CDC42: variants seen among roughly 807,000 people sequenced by gnomAD.
The protein encoded by CDC42 is cell division control protein 42 homolog.
In CDC42, 1 loss-of-function variant was observed where a neutral mutation model predicts 20.8. The ratio of observed to expected loss-of-function variants is 0.05; its 90% CI spans 0.02 to 0.23. CDC42 has a LOEUF of 0.23. Ranked by LOEUF, CDC42 falls within the 10% of genes least tolerant of loss-of-function variation. The probability of loss-of-function intolerance (pLI) is 1.00; values close to 1 mark genes in which losing one functional copy is unlikely to be tolerated. For synonymous variants in CDC42, 72 were observed against 84.8 expected (o/e 0.85, Z 0.83); for missense variants, 49 against 227.9 (o/e 0.21, Z 5.05).
In CDC42 at chr1:22,097,275, G is replaced by A. The variant is rs1285657600; in HGVS notation, c.*5758G>A. ...AAATCTGTATTATTACTTTTTTTTC[G>A]AGACCAGATCTTACTCTGTCGCCCA... is the stretch of plus-strand genomic sequence containing the variant. On this transcript the variant is annotated 3_prime_UTR_variant, in exon 6 of 6. Coordinates refer to ENST00000656825, the MANE Select transcript of CDC42 (RefSeq NM_001791.4). 6.6e-6 allele frequency among the ~76,000 whole-genome samples: 1 copy of A among 151,808 alleles called. No individual in the cohort carries two copies. The highest frequency in any genetic ancestry group is 6.6e-5 in the Admixed American group (1 of 15,264).
rs1045755500 is a variant in CDC42 at position 22,100,858 on chromosome 1, T to A, written c.*9341T>A. 1 of 152,238 alleles carries A rather than the reference T, an allele frequency of 6.6e-6. No individual in the cohort carries two copies. Among genetic ancestry groups the A allele is most frequent in the Non-Finnish European group, 1.5e-5 (1 of 68,036 alleles). The allele number at this position is 152,238 out of a possible 1,614,324, so 9.4% of individuals were successfully genotyped here. ...GGCCCCAGTGCTAGCTTCTTAGCCC[T>A]CCTTTGTAAGGTTTGCACTAGTTTG... On this transcript the variant is annotated 3_prime_UTR_variant, in exon 6 of 6. Transcript: ENST00000656825.
Position 22,091,857 on chromosome 1 carries a change from A to C in CDC42, c.*340A>C, listed in dbSNP as rs890002073. The C allele has an allele frequency of 6.4e-6, 1 of 157,056 alleles. No individual in the cohort carries two copies. The highest frequency in any genetic ancestry group is 1.3e-5 in the Non-Finnish European group (1 of 75,816). The allele number at this position is 157,056 out of a possible 1,614,324, so 9.7% of individuals were successfully genotyped here. On this transcript the variant is annotated 3_prime_UTR_variant, in exon 6 of 6. Transcript: ENST00000656825. ...ATGCTTGTGGATGACTCTGTAACAG[A>C]CTAATTGGAATTGTTGAAGCTGCTC...
intron 1 of CDC42, among the ~76,000 whole-genome samples, chr1:22,075,988 G>GA (rs1347155510): frequency 6.6e-6 from 1 of 152,188 alleles, no homozygotes; most frequent in East Asian, 1.9e-4. Flanking sequence ...TATGCAGGGT[G>GA]AAAAACAGGA....
chr1:22,088,414 C>G (rs1267554794), intron 5 of CDC42, among the ~76,000 whole-genome samples: 4 of 152,088 alleles, frequency 2.6e-5, no homozygotes, highest in African/African-American at 4.8e-5. Context: ...TATAGTAAAT[C>G]CGTTTGTAGA....
At chr1:22,056,091 C>T (rs1216929297) in intron 1 of CDC42, among the ~76,000 whole-genome samples, 1 of 152,210 alleles carries the variant, frequency 6.6e-6, no homozygotes, top group Admixed American at 6.5e-5. Context: ...GAGGGCAGGG[C>T]TTTGGCCTGG....
rs1427680374 is a variant in CDC42 at position 22,092,126 on chromosome 1, C to T, written c.*609C>T. 2 of 152,338 alleles carry T rather than the reference C, an allele frequency of 1.3e-5. No individual in the cohort carries two copies. The highest frequency in any genetic ancestry group is 4.8e-5 in the African/African-American group (2 of 41,352). 9.4% of individuals were successfully genotyped at this position (152,338 alleles called of 1,614,324 possible). ...TCTTAGGAAGGAGTATAGTAAATGC[C>T]TCATTTAATAACATACTCCTTTTTG... On this transcript the variant is annotated 3_prime_UTR_variant, in exon 6 of 6. Transcript: ENST00000656825.
chr1:22,075,787 A>G (rs1180465765), intron 1 of CDC42, among the ~76,000 whole-genome samples: 1 of 152,234 alleles, frequency 6.6e-6, no homozygotes, highest in East Asian at 1.9e-4. Context: ...GAGGTTGAAT[A>G]GCTAGAGTGT....
At chr1:22,070,329 T>A (rs1645471478) in intron 1 of CDC42, among the ~76,000 whole-genome samples, 1 of 152,148 alleles carries the variant, frequency 6.6e-6, no homozygotes, top group Admixed American at 6.5e-5. Flanking sequence ...TGCCCTGGCA[T>A]GCTTATACTG....
chr1:22,089,890 T>C, intron 5 of CDC42: 2 of 1,581,270 alleles, frequency 1.3e-6, no homozygotes, highest in Non-Finnish European at 1.7e-6. Flanking sequence ...CCTGCTAGTC[T>C]TTCTAATCCT....
In CDC42 at chr1:22,052,723, GC is replaced by G. The variant is rs952643609; in HGVS notation, c.-66del. 3 of 152,830 alleles carry G rather than the reference GC, an allele frequency of 2.0e-5. No homozygotes were observed. The highest frequency in any genetic ancestry group is 7.2e-5 in the African/African-American group (3 of 41,476). The allele number at this position is 152,830 out of a possible 1,614,324, so 9.5% of individuals were successfully genotyped here. On this transcript the variant is annotated 5_prime_UTR_variant, in exon 1 of 6. Coordinates refer to ENST00000656825, the MANE Select transcript of CDC42 (RefSeq NM_001791.4). ...GGAGACCCCGCGCAGTGCTGCCAAC[GC>G]CCCGGTGGAGAAGCTGAGGTGAGTG...
intron 1 of CDC42, among the ~76,000 whole-genome samples, chr1:22,062,911 G>A (rs1331207332): frequency 2.0e-5 from 3 of 151,894 alleles, no homozygotes; most frequent in African/African-American, 7.3e-5. Context: ...CTACCGCAGG[G>A]CAGATCCTCC....
intron 1 of CDC42, among the ~76,000 whole-genome samples, chr1:22,056,824 T>G (rs1238688655): frequency 3.3e-5 from 5 of 152,256 alleles, no homozygotes; most frequent in Non-Finnish European, 5.9e-5. Context: ...GAACAATTTC[T>G]AATAGAGCAG....
chr1:22,089,925 C>T (rs758438041), intron 5 of CDC42: 57 of 1,611,594 alleles, frequency 3.5e-5, no homozygotes, highest in Non-Finnish European at 4.8e-5. Flanking sequence ...ATTCTCTCTC[C>T]TCCCCTCTGT....
intron 1 of CDC42, among the ~76,000 whole-genome samples, chr1:22,074,520 C>G (rs889715241): frequency 2.6e-5 from 4 of 152,130 alleles, no homozygotes; most frequent in South Asian, 2.1e-4. Flanking sequence ...CCCAAAGTCT[C>G]TCCCCTGATT....
chr1:22,079,839 G>A (rs568918769), intron 2 of CDC42, among the ~76,000 whole-genome samples: 2 of 152,268 alleles, frequency 1.3e-5, no homozygotes, highest in African/African-American at 4.8e-5. Flanking sequence ...ATCTTCTGGT[G>A]TTATATTTTA....
Position 22,094,115 on chromosome 1 carries a change from G to A in CDC42, c.*2598G>A, listed in dbSNP as rs1044646930. Among the ~76,000 whole-genome samples the A allele has an allele frequency of 6.6e-6, 1 of 151,964 alleles. No individual in the cohort carries two copies. Among genetic ancestry groups the A allele is most frequent in the Non-Finnish European group, 1.5e-5 (1 of 67,990 alleles). The stretch of plus-strand genomic sequence containing the variant: ...GTTTTCTATTTGACGTAACAAACTT[G>A]CTTATAGTCGTGGCTTAGAAGGTGA... On this transcript the variant is annotated 3_prime_UTR_variant, in exon 6 of 6. Transcript: ENST00000656825.
chr1:22,070,402 A>AAGTT (rs1222080595), intron 1 of CDC42, among the ~76,000 whole-genome samples: 1 of 148,006 alleles, frequency 6.8e-6, no homozygotes, highest in Non-Finnish European at 1.5e-5. Flanking sequence ...AGCATTCCAC[A>AAGTT]AGTTACTTCC....
intron 3 of CDC42, among the ~76,000 whole-genome samples, chr1:22,084,127 A>G (rs939625882): frequency 6.6e-6 from 1 of 152,166 alleles, no homozygotes; most frequent in African/African-American, 2.4e-5. Context: ...TAATGTTGCT[A>G]TCAACATGGG....
At chr1:22,087,390 A>G (rs188054654) in intron 5 of CDC42, among the ~76,000 whole-genome samples, 1 of 152,224 alleles carries the variant, frequency 6.6e-6, no homozygotes, top group Non-Finnish European at 1.5e-5. Flanking sequence ...CCCTATTCCT[A>G]TATTTTTGGA....
Sources: gnomAD v4.1 joint callset for allele counts (sites outside exome capture counted in the v4.1 genomes callset) on GRCh38, gnomAD v4.1.1 for gene constraint, MANE v1.5 for transcripts, NCBI Gene and HGNC (gene_info 2026-07-23, HGNC 2026-07-21) for gene names.